The following IL27 variants were observed in gnomAD, a reference collection of about 807,000 sequenced individuals.
IL27 encodes the protein interleukin-27 subunit alpha.
A neutral mutation model predicts 27.0 loss-of-function variants in IL27; 11 were observed. The ratio of observed to expected loss-of-function variants is 0.41; its 90% confidence interval spans 0.26 to 0.67. The LOEUF is 0.67. Among genes scored for constraint, IL27 ranks in the 30% least tolerant of loss-of-function variants. The probability of loss-of-function intolerance (pLI) is 0.34; values close to 1 mark genes in which losing one functional copy is unlikely to be tolerated. For synonymous variants in IL27, 134 were observed against 140.6 expected, an observed-to-expected ratio of 0.95 and a Z score of 0.33; for missense variants, 299 against 310.4, an observed-to-expected ratio of 0.96 and a Z score of 0.28.
Position 28,499,686 on chromosome 16 carries a change from G to A in IL27, c.697C>T (p.Pro233Ser). 6.2e-7 allele frequency: 1 copy of A among 1,613,234 alleles called. No individual in the cohort carries two copies. The highest frequency in any genetic ancestry group is 8.5e-7 in the Non-Finnish European group (1 of 1,179,700). ...LLSKAGHSVW[P>S]LGFPTLSPQP ...GGGCTCAATGTTGGGAACCCCAAGGGCCAGACTGAGTGCCCAGCCTTGGAC... is the reference window on the plus strand; with the variant it reads ...GGGCTCAATGTTGGGAACCCCAAGGACCAGACTGAGTGCCCAGCCTTGGAC... The change falls in exon 5 of 5, where the codon CCC becomes TCC. Residue 233 changes from proline to serine, a missense_variant. Pro to Ser is a moderately conservative substitution (Grantham distance 74). Transcript: ENST00000356897.
intron 1 of IL27, 97 bp downstream of exon 1, chr16:28,506,684 G>A: frequency 8.1e-7 from 1 of 1,230,132 alleles, no homozygotes; most frequent in South Asian, 1.4e-5. Context: ...TGGCCAAGTT[G>A]CTGCTCTCAG....
chr16:28,499,635 G>T lies in IL27; in HGVS notation c.*16C>A. On this transcript the variant is annotated 3_prime_UTR_variant, in exon 5 of 5. Transcript: ENST00000356897. Reference sequence around the variant, plus strand: ...AGTTCTAAAGGGTGGGGGGCAGGGGGCTAAGAAGCCACCGATCAGGGCTGG... The same window carrying T: ...AGTTCTAAAGGGTGGGGGGCAGGGGTCTAAGAAGCCACCGATCAGGGCTGG... 6.3e-7 allele frequency: 1 copy of T among 1,594,350 alleles called. No individual in the cohort carries two copies. The highest frequency in any genetic ancestry group is 8.6e-7 in the Non-Finnish European group (1 of 1,168,648).
At chr16:28,503,832 T>TG (rs2046447167) in intron 2 of IL27, 39 bp from the exon 3 acceptor site, 1 of 1,610,814 alleles carries the variant, frequency 6.2e-7, no homozygotes, top group African/African-American at 1.3e-5. Context: ...CAGAAGGGAT[T>TG]GGGGGTCTGC....
intron 3 of IL27, among the ~76,000 whole-genome samples, chr16:28,502,352 C>T (rs1203580777): frequency 6.6e-6 from 1 of 151,894 alleles, no homozygotes; most frequent in Non-Finnish European, 1.5e-5. Context: ...CCCTTTCACT[C>T]CTATGCCAAT....
rs1018199816 is a variant in IL27, at chr16:28,499,420, G to A, written c.*231C>T. On this transcript the variant is annotated 3_prime_UTR_variant, in exon 5 of 5. Transcript: ENST00000356897. ...GGGGCTTGGCCCGAGGAGGACCATC[G>A]GGCCCCAAGACAATAAATAAACCAT... is the stretch of plus-strand genomic sequence containing the variant. 17 of 500,844 alleles carry A rather than the reference G, an allele frequency of 3.4e-5. No individual in the cohort carries two copies. Among genetic ancestry groups the A allele is most frequent in the South Asian group, 9.7e-5 (3 of 30,966 alleles). 31.0% of individuals were successfully genotyped at this position (500,844 alleles called of 1,614,324 possible).
At chr16:28,501,879 TCACA>T in intron 4 of IL27, 93 bp downstream of exon 4, 1 of 1,401,138 alleles carries the variant, frequency 7.1e-7, no homozygotes, top group Non-Finnish European at 9.8e-7. Context: ...ACTCACACTC[TCACA>T]CTCACACACA....
rs962495302 is a variant in IL27 at position 28,499,971 on chromosome 16, G to A, written c.463-51C>T. On this transcript the variant is annotated intron_variant, in intron 4 of 4. Coordinates refer to ENST00000356897, the MANE Select transcript of IL27 (RefSeq NM_145659.3). The stretch of plus-strand genomic sequence containing the variant: ...GAGGGGCCAGGCCGAGAACCTGAGA[G>A]GAATCCTCATTCCCTATTCATGCCC... 6.7e-6 allele frequency: 10 copies of A among 1,490,122 alleles called. No individual in the cohort carries two copies. The Admixed American group carries it at 1.8e-4, about 26-fold the overall frequency. The allele number at this position is 1,490,122 out of a possible 1,614,324, so 92.3% of individuals were successfully genotyped here. A position where few individuals can be genotyped will look rare whatever the true frequency, so the allele number is the denominator to read the frequency against.
chr16:28,503,849 C>G (rs772164514), intron 2 of IL27, 29 bp downstream of exon 2: 18 of 1,613,386 alleles, frequency 1.1e-5, no homozygotes, highest in Non-Finnish European at 1.7e-6. Flanking sequence ...CTGCCCATCT[C>G]CAGCGCCAGC....
Position 28,502,150 on chromosome 16 carries a change from A to G in IL27, c.304-16T>C, listed in dbSNP as rs1183489955. Reference sequence around the variant, plus strand: ...GCTCCGGGTCCTGAAGGGGAGGGAGATGGTCAGGAAAGGTCCACAGGCCAA... The same window carrying G: ...GCTCCGGGTCCTGAAGGGGAGGGAGGTGGTCAGGAAAGGTCCACAGGCCAA... On this transcript the variant is annotated splice_polypyrimidine_tract_variant and intron_variant, in intron 3 of 4. Transcript: ENST00000356897. 6.4e-7 allele frequency: 1 copy of G among 1,574,628 alleles called. No individual in the cohort carries two copies. Among genetic ancestry groups the G allele is most frequent in the Admixed American group, 1.9e-5 (1 of 53,496 alleles).
chr16:28,502,683 A>AC (rs1006972317), intron 3 of IL27, among the ~76,000 whole-genome samples: 10 of 150,572 alleles, frequency 6.6e-5, no homozygotes, highest in Non-Finnish European at 1.2e-4. Flanking sequence ...CCGCATTCTC[A>AC]CCCCCAGTGC....
chr16:28,502,058 C>T lies in IL27; in HGVS notation c.380G>A (p.Gly127Asp). 3 of 1,613,676 alleles carry T rather than the reference C, an allele frequency of 1.9e-6. No homozygotes were observed. The highest frequency in any genetic ancestry group is 2.5e-6 in the Non-Finnish European group (3 of 1,179,918). The change falls in exon 4 of 5, where the codon GGC becomes GAC. Residue 127 changes from glycine (G) to aspartate (D), a missense_variant. Physicochemically the swap from Gly to Asp is moderately conservative, Grantham distance 94 (BLOSUM62 -1). Coordinates refer to ENST00000356897, the MANE Select transcript of IL27 (RefSeq NM_145659.3). ...HALLGGLGTQ[G>D]RWTNMERMQL... ...CATCCTCTCCATGTTGGTCCAGCGG[C>T]CCTGGGTCCCCAGCCCTCCCAGCAG...
intron 4 of IL27, among the ~76,000 whole-genome samples, chr16:28,501,170 C>G (rs2046426692): frequency 6.6e-6 from 1 of 151,594 alleles, no homozygotes; most frequent in African/African-American, 2.4e-5. Context: ...GCCTGGGCGA[C>G]AGAGTGAGAC....
rs1267581923 is a variant in IL27, at chr16:28,499,909, T to C, written c.474A>G (p.Ala158=). 2 of 1,548,782 alleles carry C rather than the reference T, an allele frequency of 1.3e-6. No individual in the cohort carries two copies. The highest frequency in any genetic ancestry group is 1.7e-6 in the Non-Finnish European group (2 of 1,145,238). Residue 158 remains alanine, a synonymous_variant, in exon 5 of 5, where the codon GCA becomes GCG. Transcript: ENST00000356897. ...CCTCCTCCTCCGGGAGGTTGAATCC[T>C]GCAGCCAGCACCTGTGAGGAGAGGC... The part of the protein sequence containing the change: ...QRHLRFQVLA[A]GFNLPEEEEE...
Position 28,499,827 on chromosome 16 carries a change from C to T in IL27, c.556G>A (p.Gly186Ser), listed in dbSNP as rs768185284. 13 of 1,585,984 alleles carry T rather than the reference C, an allele frequency of 8.2e-6. No homozygotes were observed. In the East Asian group the frequency reaches 2.8e-4, roughly 34 times the overall value. Reference sequence around the variant, plus strand: ...TGGGCCGGGCCCTGTAAGGCGCTGCCCAGTGCCCCTGGGAGCAGCCCCTTC... The same window carrying T: ...TGGGCCGGGCCCTGTAAGGCGCTGCTCAGTGCCCCTGGGAGCAGCCCCTTC... ...ERKGLLPGAL[G>S]SALQGPAQVS... Residue 186 changes from glycine to serine, a missense_variant, in exon 5 of 5, where the codon GGC (glycine) becomes AGC (serine). Gly to Ser is a moderately conservative substitution (Grantham distance 56, BLOSUM62 0). Transcript: ENST00000356897.
Position 28,499,806 on chromosome 16 carries a change from C to T in IL27, c.577G>A (p.Ala193Thr). 1 of 1,603,872 alleles carries T rather than the reference C, an allele frequency of 6.2e-7. No individual in the cohort carries two copies. The highest frequency in any genetic ancestry group is 8.5e-7 in the Non-Finnish European group (1 of 1,175,392). ...GALGSALQGP[A>T]QVSWPQLLST... is the part of the protein sequence containing the mutation. The stretch of plus-strand genomic sequence containing the variant: ...AGGAGCTGGGGCCAGGACACCTGGG[C>T]CGGGCCCTGTAAGGCGCTGCCCAGT... The change falls in exon 5 of 5, where the codon GCC (alanine) becomes ACC (threonine). Residue 193 changes from alanine to threonine, a missense_variant. Coordinates refer to ENST00000356897, the MANE Select transcript of IL27 (RefSeq NM_145659.3).
At chr16:28,506,273 T>C (rs1347743222) in intron 1 of IL27, among the ~76,000 whole-genome samples, 1 of 152,182 alleles carries the variant, frequency 6.6e-6, no homozygotes, top group African/African-American at 2.4e-5. Context: ...CTCCACTGCC[T>C]ACTGCTCTGG....
At chr16:28,506,182 G>C (rs1368075731) in intron 1 of IL27, among the ~76,000 whole-genome samples, 2 of 152,190 alleles carry the variant, frequency 1.3e-5, no homozygotes, top group Middle Eastern at 3.4e-3. Flanking sequence ...CTGATCCTGG[G>C]TCATTGGCTC....
At position 28,499,775 on chromosome 16, in the gene IL27, G is replaced by A. The variant is rs765249822; in HGVS notation, c.608C>T (p.Thr203Ile). 23 of 1,612,214 alleles carry A rather than the reference G, an allele frequency of 1.4e-5. 1 individual carries two copies. Among genetic ancestry groups the A allele is most frequent in the Admixed American group, 8.4e-5 (5 of 59,764 alleles). Residue 203 changes from threonine (T) to isoleucine (I), a missense_variant, in exon 5 of 5, where the codon ACC becomes ATC. Transcript: ENST00000356897. ...AQVSWPQLLS[T>I]YRLLHSLELV... is the part of the protein sequence containing the mutation. ...CTCCAAGGAGTGCAGCAGGCGGTAG[G>A]TGGAGAGGAGCTGGGGCCAGGACAC...
rs1004266429 is a variant in IL27, at chr16:28,502,127, T to G, written c.311A>C (p.Glu104Ala). 1.9e-6 allele frequency: 3 copies of G among 1,603,070 alleles called. No homozygotes were observed. Among genetic ancestry groups the G allele is most frequent in the Non-Finnish European group, 2.6e-6 (3 of 1,174,648 alleles). The change falls in exon 4 of 5, where the codon GAG becomes GCG. Residue 104 changes from glutamate (E) to alanine (A), a missense_variant. Physicochemically the swap from Glu to Ala is moderately radical, Grantham distance 107. Transcript: ENST00000356897. ...CGTGGTGGAGATGAAGCAGAGACGC[T>G]CCGGGTCCTGAAGGGGAGGGAGATG... ...FQAWRRLSDPERLCFISTTLQ... is the reference protein window; with the variant it reads ...FQAWRRLSDPARLCFISTTLQ...
Sources: gnomAD v4.1 joint callset for allele counts (sites outside exome capture counted in the v4.1 genomes callset) on GRCh38, gnomAD v4.1.1 for gene constraint, MANE v1.5 for transcripts, NCBI Gene and HGNC (gene_info 2026-07-23, HGNC 2026-07-21) for gene names.